Variants in TRAK1 observed in about 807,000 individuals in gnomAD.
TRAK1 encodes the protein trafficking kinesin protein 1.
A neutral mutation model predicts 92.1 loss-of-function variants in TRAK1; 33 were observed. That is an observed-to-expected ratio of 0.36 (90% CI 0.27 to 0.48). The LOEUF (loss-of-function observed/expected upper bound fraction) is 0.48. Ranked by LOEUF, TRAK1 falls within the 20% of genes least tolerant of loss-of-function variation. The pLI is 0.99. For synonymous variants in TRAK1, 521 were observed against 517.3 expected, an observed-to-expected ratio of 1.01 and a Z score of -0.10; for missense variants, 1,123 against 1,257.9, an observed-to-expected ratio of 0.89 and a Z score of 1.62.
At chr3:42,055,831 C>G (rs954677788) in intron 1 of TRAK1, among the ~76,000 whole-genome samples, 26 of 152,098 alleles carry the variant, frequency 1.7e-4, no homozygotes, top group African/African-American at 5.8e-4. Flanking sequence ...GCAGTTACTC[C>G]CCATTTCCCC....
At chr3:42,158,787 C>CAAAAAAAA (rs149521969) in intron 2 of TRAK1, among the ~76,000 whole-genome samples, 17 of 69,548 alleles carry the variant, frequency 2.4e-4, no homozygotes, top group African/African-American at 6.0e-4. Flanking sequence ...ACAAAAAATA[C>CAAAAAAAA]AAAAAAAAAA....
At chr3:42,108,542 C>A (rs1707909574) in intron 1 of TRAK1, among the ~76,000 whole-genome samples, 1 of 149,940 alleles carries the variant, frequency 6.7e-6, no homozygotes, top group Non-Finnish European at 1.5e-5. Flanking sequence ...TTAGCATTCC[C>A]TAACCTAACC....
rs1407403250 is a variant in TRAK1 at position 42,202,516 on chromosome 3, C to G, written c.1508C>G (p.Ser503Cys). The change falls in exon 13 of 16, where the codon TCC becomes TGC. Residue 503 changes from serine (S) to cysteine (C), a missense_variant. Around this residue, in one of 3 missense-constraint regions of TRAK1, gnomAD observed 686 missense variants for 747.6 expected, o/e 0.92. Coordinates refer to ENST00000327628, the MANE Select transcript of TRAK1 (RefSeq NM_001042646.3). This position sits in a 1 kb window ranked among gnomAD's most constrained non-coding sequence, Gnocchi z 6.1. ...HDLETALRRL[S>C]LRRENYLSER... ...CTGGAGACGGCGCTGAGGCGGCTGT[C>G]CCTGCGCCGGGAGAACTACCTCTCG... The G allele has an allele frequency of 6.5e-7, 1 of 1,538,854 alleles. No homozygotes were observed. Among genetic ancestry groups the G allele is most frequent in the Middle Eastern group, 1.8e-4 (1 of 5,494 alleles).
At chr3:42,194,760 G>C (rs760439072) in intron 9 of TRAK1, 44 bp from the exon 10 acceptor site, 1 of 1,605,672 alleles carries the variant, frequency 6.2e-7, no homozygotes, top group South Asian at 1.1e-5. Context: ...TGTACACCTG[G>C]GTGCTCAGGA....
intron 1 of TRAK1, among the ~76,000 whole-genome samples, chr3:42,074,208 C>T (rs1704053485): frequency 1.3e-5 from 2 of 152,208 alleles, no homozygotes; most frequent in African/African-American, 4.8e-5. Context: ...TGTTTCCTCT[C>T]TTGTAAAAAG....
At position 42,194,795 on chromosome 3, in the gene TRAK1, T is replaced by C. The variant is rs1470245075; in HGVS notation, c.976-9T>C. ...AGATCCTGACCCTCTGTGTCTTTCC[T>C]GCCTGCAGCTGCGTGAGCTGGAGGA... is the stretch of plus-strand genomic sequence containing the variant. On this transcript the variant is annotated splice_polypyrimidine_tract_variant and intron_variant, in intron 9 of 15. Transcript: ENST00000327628. 1 of 1,613,012 alleles carries C rather than the reference T, an allele frequency of 6.2e-7. No homozygotes were observed. Among genetic ancestry groups the C allele is most frequent in the Non-Finnish European group, 8.5e-7 (1 of 1,179,622 alleles).
intron 1 of TRAK1, among the ~76,000 whole-genome samples, chr3:42,025,089 C>T (rs1009279357): frequency 2.0e-5 from 3 of 152,116 alleles, no homozygotes; most frequent in Non-Finnish European, 4.4e-5. Flanking sequence ...AAGATTATAC[C>T]AGAGGGGGTT....
At chr3:42,151,726 C>A (rs1033745384) in intron 2 of TRAK1, among the ~76,000 whole-genome samples, 2 of 151,558 alleles carry the variant, frequency 1.3e-5, no homozygotes, top group African/African-American at 4.9e-5. Flanking sequence ...TAGTTGAGTT[C>A]CTTCCTAGCT....
intron 13 of TRAK1, among the ~76,000 whole-genome samples, chr3:42,209,519 TA>T (rs34548450): frequency 3.6e-4 from 54 of 149,664 alleles, no homozygotes; most frequent in African/African-American, 1.1e-3. Context: ...GATTTTACTT[TA>T]AAAAAAAAAT....
At chr3:42,221,454 G>C (rs972526741) in intron 15 of TRAK1, among the ~76,000 whole-genome samples, 3 of 152,170 alleles carry the variant, frequency 2.0e-5, no homozygotes, top group African/African-American at 7.2e-5. Flanking sequence ...GGTTCCCCTA[G>C]CTTGTACGTT....
Position 42,202,947 on chromosome 3 carries a change from G to C in TRAK1, c.1744+195G>C, listed in dbSNP as rs537604377. The C allele has an allele frequency of 1.4e-6, 2 of 1,401,066 alleles. No individual in the cohort carries two copies. Among genetic ancestry groups the C allele is most frequent in the Admixed American group, 3.0e-5 (1 of 33,856 alleles). 86.8% of individuals were successfully genotyped at this position (1,401,066 alleles called of 1,614,324 possible). A position where few individuals can be genotyped will look rare whatever the true frequency, so the allele number is the denominator to read the frequency against. On this transcript the variant is annotated intron_variant, in intron 13 of 15. Coordinates refer to ENST00000327628, the MANE Select transcript of TRAK1 (RefSeq NM_001042646.3). This position sits in a 1 kb window ranked among gnomAD's most constrained non-coding sequence, Gnocchi z 6.1. ...CTCCGTCCCTCCCCTCTGGCTGGCA[G>C]GTGTGACAATGCACACATAGGCCAT...
intron 1 of TRAK1, among the ~76,000 whole-genome samples, chr3:42,099,063 A>G (rs1231159318): frequency 6.6e-6 from 1 of 151,876 alleles, no homozygotes; most frequent in Non-Finnish European, 1.5e-5. Context: ...GGGAGGGGGT[A>G]TCTAAATTCC....
intron 1 of TRAK1, among the ~76,000 whole-genome samples, chr3:42,056,116 G>C (rs1263493438): frequency 6.6e-6 from 1 of 151,836 alleles, no homozygotes; most frequent in African/African-American, 2.4e-5. Context: ...CCACTTTTTG[G>C]CTATTGTGAA....
chr3:42,207,746 G>A (rs981877205), intron 13 of TRAK1, among the ~76,000 whole-genome samples: 8 of 152,170 alleles, frequency 5.3e-5, no homozygotes, highest in Non-Finnish European at 1.2e-4. Flanking sequence ...AAGCCCCGGC[G>A]TTGTTTGCAC....
chr3:42,088,457 C>G (rs1704804192), upstream of TRAK1, among the ~76,000 whole-genome samples: 1 of 152,230 alleles, frequency 6.6e-6, no homozygotes, highest in Non-Finnish European at 1.5e-5. Flanking sequence ...TCTCCCTTTT[C>G]TCTACTGCAT....
chr3:42,196,539 CTTTTTT>C (rs35807078), intron 10 of TRAK1, among the ~76,000 whole-genome samples: 38 of 135,450 alleles, frequency 2.8e-4, no homozygotes, highest in African/African-American at 1.0e-3. Context: ...TTCTCTTCTT[CTTTTTT>C]TTTTTTTTTT....
intron 14 of TRAK1, chr3:42,210,313 C>T: frequency 1.3e-6 from 2 of 1,506,616 alleles, no homozygotes; most frequent in Non-Finnish European, 1.8e-6. Context: ...TCTGATGCCT[C>T]CTATTTGTAA....
chr3:42,024,844 C>T (rs955306203), intron 1 of TRAK1, among the ~76,000 whole-genome samples: 4 of 152,174 alleles, frequency 2.6e-5, no homozygotes, highest in African/African-American at 7.2e-5. Context: ...CCATTTGACT[C>T]TTCCTGGCTG....
At chr3:42,082,963 T>C (rs917250248), upstream of TRAK1, among the ~76,000 whole-genome samples, 28 of 152,244 alleles carry the variant, frequency 1.8e-4, no homozygotes, top group African/African-American at 6.8e-4. Context: ...TTGATAGCTG[T>C]CGCATAATTA....
Sources: allele counts gnomAD v4.1 joint callset (sites outside exome capture counted in the v4.1 genomes callset), GRCh38; gene constraint gnomAD v4.1.1; regional missense constraint gnomAD v4.1.1; non-coding constraint Gnocchi (gnomAD v3.1); transcripts MANE v1.5; gene names NCBI Gene and HGNC (gene_info 2026-07-23, HGNC 2026-07-21).